MLLT10: variants seen among roughly 807,000 people sequenced by gnomAD.
MLLT10 encodes the protein MLLT10 histone lysine methyltransferase DOT1L cofactor, also known as protein AF-10.
In MLLT10, 30 loss-of-function variants were observed where a neutral mutation model predicts 129.1. The ratio of observed to expected loss-of-function variants is 0.23; its 90% CI spans 0.17 to 0.32. MLLT10 has a LOEUF of 0.32. Ranked by LOEUF, MLLT10 falls within the 10% of genes least tolerant of loss-of-function variation. MLLT10 has a pLI of 1.00. For missense variants in MLLT10, 1,119 were observed against 1,268.3 expected, an observed-to-expected ratio of 0.88 and a Z score of 1.79; for synonymous variants, 490 against 446.4, an observed-to-expected ratio of 1.10 and a Z score of -1.23.
At chr10:21,675,434 G>A (rs2051989755) in intron 11 of MLLT10, among the ~76,000 whole-genome samples, 1 of 152,178 alleles carries the variant, frequency 6.6e-6, no homozygotes, top group Non-Finnish European at 1.5e-5. Context: ...TGTTTAATGT[G>A]TTAAATGTGT....
chr10:21,708,572 GTTTTT>G (rs368073882), intron 13 of MLLT10: 1 of 866,072 alleles, frequency 1.2e-6, no homozygotes, highest in East Asian at 1.2e-4. Context: ...TTGTGTGTGT[GTTTTT>G]TTTTTACCAG....
At chr10:21,733,382 G>GAC in intron 18 of MLLT10, 122 bp from the exon 19 acceptor site, 1 of 621,510 alleles carries the variant, frequency 1.6e-6, no homozygotes, top group South Asian at 3.3e-5. Flanking sequence ...GGAATAGCAA[G>GAC]ACTAGATATT....
At chr10:21,640,962 G>T (rs575941369) in intron 8 of MLLT10, among the ~76,000 whole-genome samples, 2 of 152,210 alleles carry the variant, frequency 1.3e-5, no homozygotes, top group South Asian at 4.1e-4. Flanking sequence ...TGCCTCTATG[G>T]CTTTAATGCT....
intron 3 of MLLT10, among the ~76,000 whole-genome samples, chr10:21,552,684 G>T (rs1404940236): frequency 6.6e-6 from 1 of 152,116 alleles, no homozygotes; most frequent in Non-Finnish European, 1.5e-5. Context: ...GAGCCACCAT[G>T]CCCGGCCTCT....
At chr10:21,668,606 A>G (rs1439995097) in intron 9 of MLLT10, among the ~76,000 whole-genome samples, 1 of 152,064 alleles carries the variant, frequency 6.6e-6, no homozygotes, top group Non-Finnish European at 1.5e-5. Flanking sequence ...CAGTTTTAAT[A>G]TGATTTTTTG....
intron 5 of MLLT10, among the ~76,000 whole-genome samples, chr10:21,610,928 A>G (rs978959548): frequency 1.3e-5 from 2 of 151,082 alleles, no homozygotes; most frequent in Non-Finnish European, 2.9e-5. Flanking sequence ...TTAGAGGTAT[A>G]AAATGATGTT....
At chr10:21,663,559 G>A (rs1282503721) in intron 9 of MLLT10, among the ~76,000 whole-genome samples, 1 of 150,988 alleles carries the variant, frequency 6.6e-6, no homozygotes, top group Non-Finnish European at 1.5e-5. Flanking sequence ...GTTTTTGTTC[G>A]TTTGTTTGTT....
chr10:21,648,610 GA>G (rs1204272896), intron 8 of MLLT10, among the ~76,000 whole-genome samples: 1 of 152,260 alleles, frequency 6.6e-6, no homozygotes, highest in Admixed American at 6.5e-5. Context: ...GAAAAACATT[GA>G]TATAACACTT....
At position 21,734,069 on chromosome 10, in the gene MLLT10, T is replaced by C. The variant is rs2058156876; in HGVS notation, c.2798T>C (p.Leu933Pro). 3 of 1,614,076 alleles carry C rather than the reference T, an allele frequency of 1.9e-6. No homozygotes were observed. The highest frequency in any genetic ancestry group is 2.5e-6 in the Non-Finnish European group (3 of 1,179,980). Reference sequence around the variant, plus strand: ...ACAATGTCCCAGAACCCTACCCCTCTCACCCACACAACCGTACCACCTAAT... The same window carrying C: ...ACAATGTCCCAGAACCCTACCCCTCCCACCCACACAACCGTACCACCTAAT... ...PVTMSQNPTP[L>P]THTTVPPNAT... Residue 933 changes from leucine to proline, a missense_variant, in exon 20 of 23, where the codon CTC becomes CCC. By Grantham distance (98) the Leu-to-Pro change is moderately conservative. Transcript: ENST00000307729.
At chr10:21,568,781 A>G (rs1429946363) in intron 3 of MLLT10, among the ~76,000 whole-genome samples, 1 of 151,952 alleles carries the variant, frequency 6.6e-6, no homozygotes, top group Non-Finnish European at 1.5e-5. Flanking sequence ...CGGTTACAGG[A>G]GCCTGCTACC....
At chr10:21,724,960 A>T (rs1349662198) in intron 14 of MLLT10, among the ~76,000 whole-genome samples, 1 of 152,256 alleles carries the variant, frequency 6.6e-6, no homozygotes, top group Admixed American at 6.5e-5. Flanking sequence ...GCTGCCAAAA[A>T]GACAGTGCCT....
Position 21,727,946 on chromosome 10 carries a change from T to C in MLLT10, c.2063+18T>C, listed in dbSNP as rs772476849. On this transcript the variant is annotated intron_variant, in intron 16 of 22. Transcript: ENST00000307729. ...TCGCCACGGTAAGCGCTATTTACAC[T>C]GCAAAGTATAGGCAAAGGAAACGTT... 1 of 1,610,676 alleles carries C rather than the reference T, an allele frequency of 6.2e-7. No homozygotes were observed. The highest frequency in any genetic ancestry group is 8.5e-7 in the Non-Finnish European group (1 of 1,177,214).
rs542460531 is a variant in MLLT10 at position 21,535,469 on chromosome 10, T to C, written c.160+665T>C. On this transcript the variant is annotated intron_variant, in intron 2 of 22. Transcript: ENST00000307729. ...AGTGGCGGGGCTGCTGCAGCGCCTG[T>C]GGGGTGGCCGCGGCAGGCCACCACC... 2.2e-4 allele frequency among the ~76,000 whole-genome samples: 33 copies of C among 152,046 alleles called. No homozygotes were observed. In the South Asian group the frequency reaches 2.5e-3, roughly 11 times the overall value.
chr10:21,671,314 G>A (rs1310397486), intron 10 of MLLT10, among the ~76,000 whole-genome samples: 1 of 152,156 alleles, frequency 6.6e-6, no homozygotes, highest in Admixed American at 6.5e-5. Context: ...ACTGTTCCTG[G>A]TGTCTTTTCC....
intron 13 of MLLT10, among the ~76,000 whole-genome samples, chr10:21,682,789 A>G (rs1329575872): frequency 6.6e-6 from 1 of 152,220 alleles, no homozygotes; most frequent in Non-Finnish European, 1.5e-5. Context: ...AAATCAGCAT[A>G]TCAGGCAAAT....
At chr10:21,610,103 C>T (rs905477047) in intron 5 of MLLT10, among the ~76,000 whole-genome samples, 3 of 152,182 alleles carry the variant, frequency 2.0e-5, no homozygotes, top group African/African-American at 4.8e-5. Context: ...CACTCTTGCT[C>T]TATAAGAGGG....
intron 3 of MLLT10, among the ~76,000 whole-genome samples, chr10:21,543,728 C>G (rs2035613381): frequency 6.6e-6 from 1 of 152,142 alleles, no homozygotes; most frequent in Non-Finnish European, 1.5e-5. Context: ...ATCTGCCCAC[C>G]TTGGCCTCCC....
intron 13 of MLLT10, among the ~76,000 whole-genome samples, chr10:21,698,446 A>G (rs2131462108): frequency 6.6e-6 from 1 of 152,326 alleles, no homozygotes; most frequent in Middle Eastern, 3.4e-3. Context: ...TGTATATACT[A>G]CACTTTCTTT....
chr10:21,717,414 G>T (rs1292302747), intron 14 of MLLT10, among the ~76,000 whole-genome samples: 1 of 147,436 alleles, frequency 6.8e-6, no homozygotes, highest in African/African-American at 2.5e-5. Context: ...GTGGGGAGGG[G>T]AGTCTGATAG....
Sources: gnomAD v4.1 joint callset for allele counts (sites outside exome capture counted in the v4.1 genomes callset) on GRCh38, gnomAD v4.1.1 for gene constraint, MANE v1.5 for transcripts, NCBI Gene and HGNC (gene_info 2026-07-23, HGNC 2026-07-21) for gene names.